NKAIN3: variants seen among roughly 807,000 people sequenced by gnomAD.
The protein encoded by NKAIN3 is sodium/potassium-transporting ATPase subunit beta-1-interacting protein 3.
Under a neutral mutation model 30.2 loss-of-function variants are expected in NKAIN3, and 25 were observed. The ratio of observed to expected loss-of-function variants is 0.83; its 90% CI spans 0.60 to 1.16. NKAIN3 has a LOEUF of 1.16. NKAIN3 is among the 50% of genes most tolerant of loss of function. The pLI is 0.00. For missense variants in NKAIN3, 225 were observed against 254.1 expected (o/e 0.89, Z 0.78); for synonymous variants, 91 against 89.6 (o/e 1.02, Z -0.09).
chr8:62,348,729 A>G (rs939926659), intron 1 of NKAIN3, among the ~76,000 whole-genome samples: 11 of 152,238 alleles, frequency 7.2e-5, no homozygotes, highest in African/African-American at 2.4e-4. Flanking sequence ...AGATGAGTGA[A>G]AACTATGTTG....
chr8:62,928,618 A>G (rs1406591036), intron 5 of NKAIN3, among the ~76,000 whole-genome samples: 2 of 152,120 alleles, frequency 1.3e-5, no homozygotes, highest in African/African-American at 4.8e-5. Context: ...GCCCCATGAG[A>G]TTGTATTCTA....
At chr8:62,915,117 C>G (rs182330524) in intron 4 of NKAIN3, among the ~76,000 whole-genome samples, 55 of 152,206 alleles carry the variant, frequency 3.6e-4, no homozygotes, top group Admixed American at 1.0e-3. Flanking sequence ...CCACTGTGGC[C>G]TAAATTGTGC....
chr8:62,770,149 C>T (rs1232257690), intron 4 of NKAIN3, among the ~76,000 whole-genome samples: 1 of 152,196 alleles, frequency 6.6e-6, no homozygotes, highest in Non-Finnish European at 1.5e-5. Context: ...GCACATCTAG[C>T]AGAAGAGAAA....
At chr8:62,641,372 A>G (rs936997559) in intron 3 of NKAIN3, among the ~76,000 whole-genome samples, 7 of 152,144 alleles carry the variant, frequency 4.6e-5, no homozygotes, top group Non-Finnish European at 1.0e-4. Flanking sequence ...ATTTTTTGAT[A>G]GCTGTCAGGA....
chr8:62,767,452 C>T (rs951420286), intron 4 of NKAIN3, among the ~76,000 whole-genome samples: 4 of 152,116 alleles, frequency 2.6e-5, no homozygotes, highest in South Asian at 2.1e-4. Flanking sequence ...GAGAGACACA[C>T]GCAGATACAG....
chr8:62,737,062 A>G (rs1404555216), intron 3 of NKAIN3, among the ~76,000 whole-genome samples: 2 of 152,156 alleles, frequency 1.3e-5, no homozygotes, highest in East Asian at 1.9e-4. Context: ...CACAGAACCT[A>G]TAGCCTCAAT....
chr8:62,971,119 A>T lies in NKAIN3; in HGVS notation c.*5712A>T, dbSNP rs955076651. On this transcript the variant is annotated 3_prime_UTR_variant, in exon 7 of 7. Coordinates refer to ENST00000623646, the MANE Select transcript of NKAIN3 (RefSeq NM_001304533.3). ...CCGCCATTTTTAAGACCATAACATG[A>T]CTCAAAATGGCTGCTGAAGCTTCAG... Among the ~76,000 whole-genome samples, 2 of 152,090 alleles carry T rather than the reference A, an allele frequency of 1.3e-5. No homozygotes were observed. The highest frequency in any genetic ancestry group is 6.5e-5 in the Admixed American group (1 of 15,280).
intron 1 of NKAIN3, among the ~76,000 whole-genome samples, chr8:62,327,911 A>G (rs115754034): frequency 0.02 from 2,988 of 152,178 alleles, 95 homozygotes; most frequent in African/African-American, 0.066. Flanking sequence ...ATTCATGAAC[A>G]TGGGATCTCT....
chr8:62,336,915 A>G (rs548814371), intron 1 of NKAIN3, among the ~76,000 whole-genome samples: 1 of 152,108 alleles, frequency 6.6e-6, no homozygotes, highest in South Asian at 2.1e-4. Context: ...ACTCAGCCTG[A>G]CCACTGAATG....
chr8:62,717,970 G>A (rs1302600100), intron 3 of NKAIN3, among the ~76,000 whole-genome samples: 1 of 152,160 alleles, frequency 6.6e-6, no homozygotes, highest in African/African-American at 2.4e-5. Flanking sequence ...GGTTTAATTG[G>A]ACTTACAGTT....
intron 3 of NKAIN3, among the ~76,000 whole-genome samples, chr8:62,736,400 AT>A (rs1815674642): frequency 6.6e-6 from 1 of 152,080 alleles, no homozygotes; most frequent in Non-Finnish European, 1.5e-5. Context: ...CAATGGAGTT[AT>A]GTTCCAAGGC....
chr8:62,540,488 T>C (rs1319397593), intron 1 of NKAIN3, among the ~76,000 whole-genome samples: 1 of 152,230 alleles, frequency 6.6e-6, no homozygotes, highest in African/African-American at 2.4e-5. Context: ...TCTTTTCATT[T>C]ATTTGTTTTC....
At chr8:62,866,247 T>C (rs1820410433) in intron 4 of NKAIN3, among the ~76,000 whole-genome samples, 1 of 152,112 alleles carries the variant, frequency 6.6e-6, no homozygotes. Context: ...AAAATACATA[T>C]ATTTTCGAAA....
intron 3 of NKAIN3, among the ~76,000 whole-genome samples, chr8:62,735,824 T>A (rs73685515): frequency 0.01 from 1,500 of 146,032 alleles, 24 homozygotes; most frequent in African/African-American, 0.036. Flanking sequence ...TTTTGTCCCA[T>A]GGTGTGACTC....
chr8:62,847,135 C>T (rs1237566236), intron 4 of NKAIN3, among the ~76,000 whole-genome samples: 1 of 152,128 alleles, frequency 6.6e-6, no homozygotes, highest in Middle Eastern at 3.2e-3. Context: ...GTGAATGGTG[C>T]TGCAATGAAC....
At position 62,996,408 on chromosome 8, in the gene NKAIN3, C is replaced by G. The variant is rs527459079; in HGVS notation, c.533-2823C>G. Among the ~76,000 whole-genome samples, 4 of 152,206 alleles carry G rather than the reference C, an allele frequency of 2.6e-5. No individual in the cohort carries two copies. In the East Asian group the frequency reaches 7.8e-4, roughly 30 times the overall value. ...ATCACCTCCCATCGGGTCCCTCCCT[C>G]GACACTTGGGGATTACAATTCAAGA... On this transcript the variant is annotated intron_variant, in intron 5 of 5. Coordinates refer to the NKAIN3 transcript ENST00000519049.
At chr8:62,883,473 T>TTTTTTTTTTTTTA (rs1821056601) in intron 4 of NKAIN3, among the ~76,000 whole-genome samples, 1 of 144,622 alleles carries the variant, frequency 6.9e-6, no homozygotes, top group Non-Finnish European at 1.5e-5. Context: ...TTTTTTTTTT[T>TTTTTTTTTTTTTA]CAGATTTTCT....
At position 62,668,527 on chromosome 8, in the gene NKAIN3, C is replaced by T. The variant is rs143650319; in HGVS notation, c.274-78405C>T. Among the ~76,000 whole-genome samples the T allele has an allele frequency of 3.6e-3, 553 of 152,264 alleles. 5 individuals carry two copies. The highest frequency in any genetic ancestry group is 8.8e-3 in the Admixed American group (135 of 15,278). ...CTGCCCAGAGTTCTTTCCATTACAC[C>T]ATGCATGTTGTCTTCCTAAATGATA... On this transcript the variant is annotated intron_variant, in intron 3 of 6. Coordinates refer to ENST00000623646, the MANE Select transcript of NKAIN3 (RefSeq NM_001304533.3).
intron 3 of NKAIN3, among the ~76,000 whole-genome samples, chr8:62,682,714 C>T (rs936094588): frequency 9.9e-5 from 15 of 152,002 alleles, no homozygotes; most frequent in Non-Finnish European, 2.2e-4. Context: ...TGCCAGCTTT[C>T]CCCCACTTCC....
Sources: gnomAD v4.1 joint callset for allele counts (sites outside exome capture counted in the v4.1 genomes callset) on GRCh38, gnomAD v4.1.1 for gene constraint, MANE v1.5 for transcripts, NCBI Gene and HGNC (gene_info 2026-07-23, HGNC 2026-07-21) for gene names.